DNM1: variants seen among roughly 807,000 people sequenced by gnomAD.
DNM1 encodes the protein dynamin-1.
A neutral mutation model predicts 104.6 loss-of-function variants in DNM1; 29 were observed. The observed-to-expected ratio is 0.28, with a 90% CI of 0.21 to 0.38. The LOEUF (loss-of-function observed/expected upper bound fraction) is 0.38, where lower values mean the gene tolerates loss of function less well. Among genes scored for constraint, DNM1 ranks in the 10% least tolerant of loss-of-function variants. The pLI is 1.00. For synonymous variants in DNM1, 445 were observed against 475.8 expected (o/e 0.94, Z 0.84); for missense variants, 640 against 1,189.4 (o/e 0.54, Z 6.79).
At chr9:128,212,814 G>A (rs1253781159) in intron 1 of DNM1, among the ~76,000 whole-genome samples, 1 of 151,674 alleles carries the variant, frequency 6.6e-6, no homozygotes, top group Non-Finnish European at 1.5e-5. Context: ...CATTTTAAAG[G>A]CACAATTCAA....
chr9:128,230,905 C>T (rs1027190974), intron 10 of DNM1, among the ~76,000 whole-genome samples: 3 of 151,720 alleles, frequency 2.0e-5, no homozygotes, highest in South Asian at 2.1e-4. Context: ...TGGATTCAAA[C>T]GATTCTTATG....
intron 15 of DNM1, among the ~76,000 whole-genome samples, chr9:128,244,310 G>C (rs1447486171): frequency 1.3e-5 from 2 of 151,852 alleles, no homozygotes; most frequent in Non-Finnish European, 2.9e-5. Context: ...AAAGTGTGGG[G>C]GTGCTCATGT....
intron 1 of DNM1, among the ~76,000 whole-genome samples, chr9:128,207,996 C>T (rs955202255): frequency 5.3e-5 from 8 of 152,016 alleles, no homozygotes; most frequent in African/African-American, 1.9e-4. Flanking sequence ...CTGCCTACCC[C>T]CCACCCCCAG....
chr9:128,209,490 A>G (rs1834166175), intron 1 of DNM1, among the ~76,000 whole-genome samples: 2 of 152,168 alleles, frequency 1.3e-5, no homozygotes, highest in Admixed American at 1.3e-4. Context: ...CCATATGTCT[A>G]TGTATTCCAG....
intron 4 of DNM1, 145 bp downstream of exon 4, chr9:128,219,397 G>GGT (rs1190168478): frequency 1.3e-6 from 1 of 741,440 alleles, no homozygotes; most frequent in East Asian, 2.7e-5. Context: ...GGTCAGGCAT[G>GGT]GTAGCTCATG....
At position 128,254,570 on chromosome 9, in the gene DNM1, C is replaced by CCCG; in HGVS notation, c.2535-83_2535-81dup. ...CCACCACTGCTGCGGCGCGGCCGGC[C>CCCG]CCGGCCGTGTGCTGCGCTTGCCTTA... On this transcript the variant is annotated intron_variant, in intron 21 of 21. Coordinates refer to ENST00000372923, the MANE Select transcript of DNM1 (RefSeq NM_004408.4). This position sits in a 1 kb window ranked among gnomAD's most constrained non-coding sequence, Gnocchi z 6.1. 1 of 1,588,690 alleles carries CCCG rather than the reference C, an allele frequency of 6.3e-7. No individual in the cohort carries two copies. Among genetic ancestry groups the CCCG allele is most frequent in the Non-Finnish European group, 8.5e-7 (1 of 1,174,282 alleles).
intron 15 of DNM1, among the ~76,000 whole-genome samples, chr9:128,246,050 C>CG (rs1400180741): frequency 6.6e-6 from 1 of 152,184 alleles, no homozygotes; most frequent in Non-Finnish European, 1.5e-5. Context: ...GCGGCCAGGC[C>CG]GGGGGTGAGA....
chr9:128,244,418 T>C (rs1836617402), intron 15 of DNM1, among the ~76,000 whole-genome samples: 2 of 152,008 alleles, frequency 1.3e-5, no homozygotes, highest in Non-Finnish European at 2.9e-5. Flanking sequence ...TGGTCCAGGC[T>C]GGTGGGAGAG....
Position 128,248,439 on chromosome 9 carries a change from G to A in DNM1, c.1906-144G>A, listed in dbSNP as rs1379001081. 1.1e-6 allele frequency: 1 copy of A among 869,776 alleles called. No individual in the cohort carries two copies. Among genetic ancestry groups the A allele is most frequent in the African/African-American group, 1.7e-5 (1 of 59,032 alleles). 53.9% of individuals were successfully genotyped at this position (869,776 alleles called of 1,614,324 possible). A position where few individuals can be genotyped will look rare whatever the true frequency, so the allele number is the denominator to read the frequency against. Reference sequence around the variant, plus strand: ...CTAGGGTCCTGAGAGGCACAGGGATGCGGAGCCAGGTATGTATTCAGGCCA... The same window carrying A: ...CTAGGGTCCTGAGAGGCACAGGGATACGGAGCCAGGTATGTATTCAGGCCA... On this transcript the variant is annotated intron_variant, in intron 18 of 21. Coordinates refer to ENST00000372923, the MANE Select transcript of DNM1 (RefSeq NM_004408.4). This position sits in a 1 kb window ranked among gnomAD's most constrained non-coding sequence, Gnocchi z 5.6.
chr9:128,236,890 C>G (rs573472673), intron 11 of DNM1, among the ~76,000 whole-genome samples: 1 of 152,278 alleles, frequency 6.6e-6, no homozygotes, highest in African/African-American at 2.4e-5. Flanking sequence ...AGTGTGTCAC[C>G]TTGCAGGCAT....
intron 10 of DNM1, among the ~76,000 whole-genome samples, chr9:128,229,341 C>CA (rs1407381544): frequency 1.3e-5 from 2 of 150,408 alleles, no homozygotes; most frequent in African/African-American, 4.9e-5. Flanking sequence ...TGCACCACTG[C>CA]ACTCCTGGGT....
chr9:128,208,597 C>T (rs1834108100), intron 1 of DNM1, among the ~76,000 whole-genome samples: 1 of 152,154 alleles, frequency 6.6e-6, no homozygotes, highest in Admixed American at 6.5e-5. Context: ...TATCGATGAC[C>T]TGGATGGGGC....
At chr9:128,219,345 T>C in intron 4 of DNM1, 93 bp downstream of exon 4, 1 of 1,135,494 alleles carries the variant, frequency 8.8e-7, no homozygotes, top group Non-Finnish European at 1.3e-6. Flanking sequence ...GGTCTAAGAA[T>C]AGCGGTGGGA....
chr9:128,234,336 T>C (rs367986272), intron 11 of DNM1, among the ~76,000 whole-genome samples: 1 of 152,262 alleles, frequency 6.6e-6, no homozygotes, highest in African/African-American at 2.4e-5. Context: ...ACTAAGTACA[T>C]TTGCGCTGTT....
intron 10 of DNM1, among the ~76,000 whole-genome samples, chr9:128,232,893 C>T (rs984848966): frequency 1.2e-4 from 19 of 152,252 alleles, no homozygotes; most frequent in African/African-American, 4.6e-4. Flanking sequence ...CCAACACGCC[C>T]TCTTCCAGCA....
At chr9:128,229,776 G>C (rs1249032883) in intron 10 of DNM1, among the ~76,000 whole-genome samples, 2 of 152,062 alleles carry the variant, frequency 1.3e-5, no homozygotes, top group Non-Finnish European at 2.9e-5. Flanking sequence ...AGCCGGGTGT[G>C]GTGGTGGGCA....
chr9:128,242,633 G>T (rs532091143), intron 15 of DNM1, among the ~76,000 whole-genome samples: 1 of 152,094 alleles, frequency 6.6e-6, no homozygotes, highest in Non-Finnish European at 1.5e-5. Context: ...GTTGGCGGGC[G>T]CCTGTAATCC....
chr9:128,228,995 AAGAAAG>A (rs141051110), intron 10 of DNM1, among the ~76,000 whole-genome samples: 36,433 of 151,580 alleles, frequency 0.24, 4,692 homozygotes, highest in South Asian at 0.36. Context: ...AAAAAAAAGA[AAGAAAG>A]AAAAAGAAAA....
chr9:128,225,242 C>T (rs754521680), intron 10 of DNM1, among the ~76,000 whole-genome samples: 1 of 152,238 alleles, frequency 6.6e-6, no homozygotes, highest in South Asian at 2.1e-4. Flanking sequence ...TGTCCCGGCC[C>T]CTCTCTATCA....
Sources: gnomAD v4.1 joint callset for allele counts (sites outside exome capture counted in the v4.1 genomes callset) on GRCh38, gnomAD v4.1.1 for gene constraint, Gnocchi (gnomAD v3.1) non-coding constraint, MANE v1.5 for transcripts, NCBI Gene and HGNC (gene_info 2026-07-23, HGNC 2026-07-21) for gene names.